Variants in ADARB2 observed in about 807,000 individuals in gnomAD.
The protein encoded by ADARB2 is adenosine deaminase RNA specific B2 (inactive), also known as inactive double-stranded RNA-specific editase B2.
Under a neutral mutation model 62.2 loss-of-function variants are expected in ADARB2, and 25 were observed. That is an observed-to-expected ratio of 0.40 (90% CI 0.29 to 0.56). The LOEUF (loss-of-function observed/expected upper bound fraction) is 0.56, where lower values mean the gene tolerates loss of function less well. Ranked by LOEUF, ADARB2 falls within the 20% of genes least tolerant of loss-of-function variation. The probability of loss-of-function intolerance (pLI) is 0.43; values close to 1 mark genes in which losing one functional copy is unlikely to be tolerated. For synonymous variants in ADARB2, 572 were observed against 500.8 expected (o/e 1.14, Z -1.90); for missense variants, 1,071 against 1,077.4 (o/e 0.99, Z 0.08).
intron 3 of ADARB2, among the ~76,000 whole-genome samples, chr10:1,324,348 C>T (rs189035658): frequency 5.4e-4 from 82 of 152,270 alleles, no homozygotes; most frequent in East Asian, 4.2e-3. Context: ...TTAAACTAAA[C>T]GTGATTACAA....
intron 4 of ADARB2, among the ~76,000 whole-genome samples, chr10:1,257,621 C>T (rs896855398): frequency 3.9e-5 from 6 of 152,304 alleles, no homozygotes; most frequent in Admixed American, 3.9e-4. Flanking sequence ...CAGAAGGAGA[C>T]ACAGACACAC....
chr10:1,716,413 T>C (rs756881788), intron 1 of ADARB2, among the ~76,000 whole-genome samples: 114 of 152,382 alleles, frequency 7.5e-4, no homozygotes, highest in Non-Finnish European at 1.6e-3. Context: ...GATTACTTGG[T>C]AGACAGCTCC....
At chr10:1,544,024 A>AC (rs1832480732) in intron 1 of ADARB2, among the ~76,000 whole-genome samples, 2 of 149,702 alleles carry the variant, frequency 1.3e-5, no homozygotes, top group Non-Finnish European at 3.0e-5. Flanking sequence ...CAAACAAAAA[A>AC]AAAAACACAC....
intron 1 of ADARB2, among the ~76,000 whole-genome samples, chr10:1,707,191 G>A (rs112960834): frequency 2.6e-5 from 4 of 152,294 alleles, no homozygotes; most frequent in African/African-American, 4.8e-5. Flanking sequence ...CTGCACCGGC[G>A]CACAGCTCAG....
At chr10:1,735,181 C>T (rs777814990) in intron 1 of ADARB2, among the ~76,000 whole-genome samples, 17 of 152,290 alleles carry the variant, frequency 1.1e-4, no homozygotes, top group Non-Finnish European at 2.1e-4. Flanking sequence ...TGCCCTTTCC[C>T]GCTTCAATTT....
intron 3 of ADARB2, among the ~76,000 whole-genome samples, chr10:1,297,910 TCAGAAGGAAC>T (rs1051435845): frequency 4.0e-5 from 6 of 150,904 alleles, no homozygotes; most frequent in Admixed American, 3.9e-4. Flanking sequence ...CCCCTTAGAA[TCAGAAGGAAC>T]CAGCCCTGCC....
chr10:1,499,630 C>G lies in ADARB2; in HGVS notation c.101-120470G>C, dbSNP rs111207843. On this transcript the variant is annotated intron_variant, in intron 1 of 9. Transcript: ENST00000381312. ...CACTCACTCATCATTCACCACTCAC[C>G]ACTCATTCATCACCCACCACTCACT... 3.2e-3 allele frequency among the ~76,000 whole-genome samples: 492 copies of G among 151,828 alleles called. 3 individuals are homozygous for G. The highest frequency in any genetic ancestry group is 0.011 in the African/African-American group (471 of 41,380).
At chr10:1,388,980 T>C (rs938129972) in intron 1 of ADARB2, among the ~76,000 whole-genome samples, 2 of 152,190 alleles carry the variant, frequency 1.3e-5, no homozygotes, top group African/African-American at 4.8e-5. Context: ...AGGGGAAGTC[T>C]AGGAATAGAA....
At chr10:1,616,626 G>A (rs998789088) in intron 1 of ADARB2, among the ~76,000 whole-genome samples, 1 of 143,212 alleles carries the variant, frequency 7.0e-6, no homozygotes, top group Non-Finnish European at 1.5e-5. Flanking sequence ...GCATTCTGTC[G>A]CTAGATGTTT....
At chr10:1,353,318 C>T (rs1283347717) in intron 3 of ADARB2, among the ~76,000 whole-genome samples, 2 of 152,310 alleles carry the variant, frequency 1.3e-5, no homozygotes, top group South Asian at 4.1e-4. Context: ...CCCATTCTCT[C>T]CTAGCCGCTT....
At chr10:1,465,722 G>C (rs1168830015) in intron 1 of ADARB2, among the ~76,000 whole-genome samples, 1 of 152,200 alleles carries the variant, frequency 6.6e-6, no homozygotes, top group Non-Finnish European at 1.5e-5. Flanking sequence ...GACAAGCATG[G>C]ACAGCTACTG....
chr10:1,620,032 G>A (rs866255844), intron 1 of ADARB2, among the ~76,000 whole-genome samples: 8 of 152,038 alleles, frequency 5.3e-5, no homozygotes, highest in South Asian at 2.1e-4. Context: ...AATTTATGGG[G>A]TGCAACTAAG....
intron 1 of ADARB2, among the ~76,000 whole-genome samples, chr10:1,547,223 A>G (rs1237055704): frequency 6.9e-6 from 1 of 144,418 alleles, no homozygotes; most frequent in Non-Finnish European, 1.5e-5. Flanking sequence ...GAGGCTGTGC[A>G]AGTCTATGCA....
intron 1 of ADARB2, among the ~76,000 whole-genome samples, chr10:1,643,175 C>T (rs1006009771): frequency 6.6e-6 from 1 of 152,206 alleles, no homozygotes; most frequent in Non-Finnish European, 1.5e-5. Context: ...TCTGCCTTCC[C>T]TATTTACGGT....
At chr10:1,272,967 G>A (rs1302887483) in intron 3 of ADARB2, among the ~76,000 whole-genome samples, 7 of 152,198 alleles carry the variant, frequency 4.6e-5, no homozygotes, top group Non-Finnish European at 8.8e-5. Flanking sequence ...GCCTCCGGGC[G>A]TCCCTGGGTG....
chr10:1,243,843 C>T (rs1830951297), intron 4 of ADARB2, among the ~76,000 whole-genome samples: 2 of 152,356 alleles, frequency 1.3e-5, no homozygotes, highest in African/African-American at 2.4e-5. Context: ...CAGCAGCCCC[C>T]GTTTCTGTGC....
chr10:1,200,044 C>A lies in ADARB2; in HGVS notation c.1786G>T (p.Ala596Ser). Reference sequence around the variant, plus strand: ...TCCATGCGGTGGCTCATGACGCGTGCGAGGTGGCCCGTGTGGTGCAGGCTG... The same window carrying A: ...TCCATGCGGTGGCTCATGACGCGTGAGAGGTGGCCCGTGTGGTGCAGGCTG... ...VGSLHHTGHL[A>S]RVMSHRMEGV... is the part of the protein sequence containing the mutation. Residue 596 changes from alanine (A) to serine (S), a missense_variant, in exon 8 of 10, where the codon GCA becomes TCA. By Grantham distance (99) the Ala-to-Ser change is moderately conservative. Transcript: ENST00000381312. 1 of 1,594,946 alleles carries A rather than the reference C, an allele frequency of 6.3e-7. No homozygotes were observed. Among genetic ancestry groups the A allele is most frequent in the Non-Finnish European group, 8.5e-7 (1 of 1,175,164 alleles).
chr10:1,556,118 C>T (rs1257338865), intron 1 of ADARB2, among the ~76,000 whole-genome samples: 2 of 152,006 alleles, frequency 1.3e-5, no homozygotes, highest in Non-Finnish European at 2.9e-5. Context: ...TAATATGATG[C>T]TCAAGTGACG....
chr10:1,584,124 C>T (rs1052317989), intron 1 of ADARB2, among the ~76,000 whole-genome samples: 1 of 152,060 alleles, frequency 6.6e-6, no homozygotes, highest in Non-Finnish European at 1.5e-5. Flanking sequence ...TCCATAAAAA[C>T]AAAATCAATA....
Sources: gnomAD v4.1 joint callset for allele counts (sites outside exome capture counted in the v4.1 genomes callset) on GRCh38, gnomAD v4.1.1 for gene constraint, MANE v1.5 for transcripts, NCBI Gene and HGNC (gene_info 2026-07-23, HGNC 2026-07-21) for gene names.